The following TMEM135 variants were observed in gnomAD, a reference collection of about 807,000 sequenced individuals.
The protein encoded by TMEM135 is transmembrane protein 135, also known as peroxisomal membrane protein 52.
Under a neutral mutation model 60.3 loss-of-function variants are expected in TMEM135, and 30 were observed. That is an observed-to-expected ratio of 0.50 (90% CI 0.37 to 0.68). The LOEUF (loss-of-function observed/expected upper bound fraction) is 0.68, where lower values mean the gene tolerates loss of function less well. Among genes scored for constraint, TMEM135 ranks in the 30% least tolerant of loss-of-function variants. The probability of loss-of-function intolerance (pLI) is 0.00; values close to 1 mark genes in which losing one functional copy is unlikely to be tolerated. For missense variants in TMEM135, 468 were observed against 548.8 expected (o/e 0.85, Z 1.47); for synonymous variants, 190 against 186.7 (o/e 1.02, Z -0.14).
At chr11:87,187,184 T>C (rs1939674606) in intron 5 of TMEM135, among the ~76,000 whole-genome samples, 1 of 152,172 alleles carries the variant, frequency 6.6e-6, no homozygotes, top group African/African-American at 2.4e-5. Flanking sequence ...AATAAAACTC[T>C]TACAATTTAT....
At chr11:87,257,486 G>A (rs575225638) in intron 6 of TMEM135, among the ~76,000 whole-genome samples, 1 of 152,146 alleles carries the variant, frequency 6.6e-6, no homozygotes, top group Admixed American at 6.5e-5. Context: ...GGTAAGTTAT[G>A]TAGCCTCTTT....
At chr11:87,289,070 G>A (rs55734269) in intron 6 of TMEM135, among the ~76,000 whole-genome samples, 70,494 of 152,072 alleles carry the variant, frequency 0.46, 16,490 homozygotes, top group Middle Eastern at 0.51. Flanking sequence ...TTGTGAAAAC[G>A]TGATTACAAT....
chr11:87,321,492 G>T lies in TMEM135; in HGVS notation c.*159G>T. ...TTTCTTATGAATCAGAAATTCAGAA[G>T]CTTTTTAGGAAGATGTTGCTTAATA... On this transcript the variant is annotated 3_prime_UTR_variant, in exon 15 of 15. Transcript: ENST00000305494. 1.2e-6 allele frequency: 1 copy of T among 836,054 alleles called. No homozygotes were observed. The highest frequency in any genetic ancestry group is 1.4e-5 in the South Asian group (1 of 69,998). 51.8% of individuals were successfully genotyped at this position (836,054 alleles called of 1,614,324 possible).
intron 5 of TMEM135, among the ~76,000 whole-genome samples, chr11:87,171,987 C>T (rs899196775): frequency 3.3e-5 from 5 of 152,098 alleles, no homozygotes; most frequent in African/African-American, 7.2e-5. Flanking sequence ...TCCTGTTGTG[C>T]GGCCTGGTTC....
chr11:87,097,434 A>G (rs920505805), intron 4 of TMEM135, among the ~76,000 whole-genome samples: 7 of 152,236 alleles, frequency 4.6e-5, no homozygotes, highest in Non-Finnish European at 2.9e-5. Context: ...GCTGGATTCC[A>G]AAACCTAGTG....
At position 87,328,124 on chromosome 11, in the gene TMEM135, G is replaced by C. The variant is rs555868040; in HGVS notation, c.*6791G>C. The stretch of plus-strand genomic sequence containing the variant: ...CAGGCTTTATGGCTCTATTACCCAA[G>C]AATTCTGTTACTTTCAGCTGAAAAC... On this transcript the variant is annotated 3_prime_UTR_variant, in exon 15 of 15. Coordinates refer to ENST00000305494, the MANE Select transcript of TMEM135 (RefSeq NM_022918.4). The C allele has an allele frequency of 2.2e-6, 1 of 453,904 alleles. No homozygotes were observed. The highest frequency in any genetic ancestry group is 6.9e-5 in the East Asian group (1 of 14,396). The allele number at this position is 453,904 out of a possible 1,614,324, so 28.1% of individuals were successfully genotyped here. A position where few individuals can be genotyped will look rare whatever the true frequency, so the allele number is the denominator to read the frequency against.
At chr11:87,246,572 A>G (rs1941276963) in intron 6 of TMEM135, among the ~76,000 whole-genome samples, 1 of 151,436 alleles carries the variant, frequency 6.6e-6, no homozygotes, top group Non-Finnish European at 1.5e-5. Context: ...TTTTTCTCTA[A>G]ACTTCCCTTC....
chr11:87,140,286 C>T (rs553712620), intron 4 of TMEM135, among the ~76,000 whole-genome samples: 41 of 152,200 alleles, frequency 2.7e-4, no homozygotes, highest in African/African-American at 9.4e-4. Flanking sequence ...CCAGGATGGT[C>T]TCGATCTCCT....
Position 87,086,821 on chromosome 11 carries a change from G to A in TMEM135, c.363-4541G>A, listed in dbSNP as rs1341059101. Among the ~76,000 whole-genome samples, 3 of 152,174 alleles carry A rather than the reference G, an allele frequency of 2.0e-5. No individual in the cohort carries two copies. In the South Asian group the frequency reaches 6.2e-4, roughly 32 times the overall value. On this transcript the variant is annotated intron_variant, in intron 3 of 14. Coordinates refer to ENST00000305494, the MANE Select transcript of TMEM135 (RefSeq NM_022918.4). ...GATTTGACTTGTAGCTTGGCTTTCA[G>A]GCTTTAAACTATCTTTGGCTTGGAG...
At chr11:87,107,543 C>T (rs1049520615) in intron 4 of TMEM135, among the ~76,000 whole-genome samples, 1 of 151,926 alleles carries the variant, frequency 6.6e-6, no homozygotes, top group African/African-American at 2.4e-5. Context: ...TGATAGCTTG[C>T]TCAGAGGGAT....
At chr11:87,282,881 G>A (rs1408242150) in intron 6 of TMEM135, among the ~76,000 whole-genome samples, 1 of 151,964 alleles carries the variant, frequency 6.6e-6, no homozygotes, top group African/African-American at 2.4e-5. Flanking sequence ...ACCATTCTAT[G>A]GGCTAGCAAG....
chr11:87,238,677 T>C (rs575166), intron 6 of TMEM135, among the ~76,000 whole-genome samples: 99,044 of 151,914 alleles, frequency 0.65, 32,874 homozygotes, highest in Non-Finnish European at 0.71. Flanking sequence ...AACTTCTTAA[T>C]TGTATTCAGA....
intron 4 of TMEM135, among the ~76,000 whole-genome samples, chr11:87,098,512 C>T (rs1337325173): frequency 6.6e-6 from 1 of 151,998 alleles, no homozygotes; most frequent in African/African-American, 2.4e-5. Flanking sequence ...CCTGTTTTGC[C>T]AGCTCATGGT....
chr11:87,255,291 C>T (rs10792929), intron 6 of TMEM135, among the ~76,000 whole-genome samples: 16,576 of 152,204 alleles, frequency 0.11, 1,631 homozygotes, highest in African/African-American at 0.26. Flanking sequence ...TTCTGCCATC[C>T]TTCTCTCTAT....
rs748586299 is a variant in TMEM135 at position 87,157,350 on chromosome 11, A to G, written c.406A>G (p.Thr136Ala). Residue 136 changes from threonine (T) to alanine (A), a missense_variant, in exon 5 of 15, where the codon ACA (threonine) becomes GCA (alanine). Transcript: ENST00000305494. ...TTTTTTTAATTTACAGGCCACAGAAACACTATTCAGAATGGGTGTAGCAAG... is the reference window on the plus strand; with the variant it reads ...TTTTTTTAATTTACAGGCCACAGAAGCACTATTCAGAATGGGTGTAGCAAG... ...TIYMANLATE[T>A]LFRMGVARGT... is the part of the protein sequence containing the mutation. 49 of 1,613,128 alleles carry G rather than the reference A, an allele frequency of 3.0e-5. 1 individual carries two copies. The South Asian group carries it at 5.1e-4, about 17-fold the overall frequency.
intron 4 of TMEM135, among the ~76,000 whole-genome samples, chr11:87,102,716 A>ATATATATATATG (rs1482524490): frequency 1.3e-4 from 10 of 78,704 alleles, no homozygotes; most frequent in Non-Finnish European, 1.8e-4. Context: ...ATATATATGT[A>ATATATATATATG]TATATATATA....
At chr11:87,229,660 T>A (rs1009673194) in intron 5 of TMEM135, among the ~76,000 whole-genome samples, 1 of 152,186 alleles carries the variant, frequency 6.6e-6, no homozygotes, top group Non-Finnish European at 1.5e-5. Flanking sequence ...GAAATGTTTA[T>A]TGCATCCACT....
chr11:87,065,394 G>T (rs1461565700), intron 1 of TMEM135, among the ~76,000 whole-genome samples: 1 of 152,030 alleles, frequency 6.6e-6, no homozygotes, highest in Non-Finnish European at 1.5e-5. Context: ...TCTGATAGTT[G>T]TAACACCTCA....
chr11:87,189,633 A>G lies in TMEM135; in HGVS notation c.462+32227A>G, dbSNP rs533806119. Among the ~76,000 whole-genome samples the G allele has an allele frequency of 1.7e-4, 26 of 152,262 alleles. 1 individual carries two copies. In the South Asian group the frequency reaches 5.4e-3, roughly 32 times the overall value. ...ACTACTATTAAATAGATTTAAAAAA[A>G]TTAGGGTAAGTACAGTGCCTCACAC... is the stretch of plus-strand genomic sequence containing the variant. On this transcript the variant is annotated intron_variant, in intron 5 of 14. Coordinates refer to ENST00000305494, the MANE Select transcript of TMEM135 (RefSeq NM_022918.4).
Sources: gnomAD v4.1 joint callset for allele counts (sites outside exome capture counted in the v4.1 genomes callset) on GRCh38, gnomAD v4.1.1 for gene constraint, MANE v1.5 for transcripts, NCBI Gene and HGNC (gene_info 2026-07-23, HGNC 2026-07-21) for gene names.